MPHOSPH8: variants seen among roughly 807,000 people sequenced by gnomAD.
The protein encoded by MPHOSPH8 is M-phase phosphoprotein, mpp.
MPHOSPH8 carries 45 observed loss-of-function variants against 87.3 expected under a neutral mutation model. The observed-to-expected ratio is 0.52, with a 90% CI of 0.41 to 0.66. The LOEUF (loss-of-function observed/expected upper bound fraction) is 0.66, where lower values mean the gene tolerates loss of function less well. Among genes scored for constraint, MPHOSPH8 ranks in the 30% least tolerant of loss-of-function variants. The pLI, the probability that MPHOSPH8 is intolerant of heterozygous loss-of-function variation, is 0.00. For missense variants in MPHOSPH8, 883 were observed against 1,020.2 expected (o/e 0.87, Z 1.83); for synonymous variants, 366 against 376.9 (o/e 0.97, Z 0.33).
intron 8 of MPHOSPH8, among the ~76,000 whole-genome samples, chr13:19,662,377 A>C (rs887542645): frequency 6.6e-6 from 1 of 152,200 alleles, no homozygotes; most frequent in Non-Finnish European, 1.5e-5. Context: ...CTCTCGCCTC[A>C]GCCTCCCAAG....
chr13:19,671,359 G>GA (rs999867757), intron 13 of MPHOSPH8, 70 bp downstream of exon 13: 572 of 1,422,478 alleles, frequency 4.0e-4, no homozygotes, highest in Non-Finnish European at 5.2e-4. Context: ...ATCAACATTA[G>GA]AAAAAAAATT....
At chr13:19,671,087 A>G (rs1876100465) in intron 12 of MPHOSPH8, 119 bp from the exon 13 acceptor site, 7 of 1,474,960 alleles carry the variant, frequency 4.7e-6, no homozygotes, top group African/African-American at 4.2e-5. Flanking sequence ...CCTCCACAAC[A>G]TCTTGACTTA....
At chr13:19,654,581 TAGAC>T (rs1288724960) in intron 5 of MPHOSPH8, among the ~76,000 whole-genome samples, 1 of 152,134 alleles carries the variant, frequency 6.6e-6, no homozygotes, top group Non-Finnish European at 1.5e-5. Flanking sequence ...GCTCTAAAAA[TAGAC>T]AAAGAATGCT....
intron 5 of MPHOSPH8, among the ~76,000 whole-genome samples, chr13:19,658,769 T>C (rs149825487): frequency 2.0e-5 from 3 of 152,352 alleles, no homozygotes; most frequent in Admixed American, 2.0e-4. Context: ...AGCTTACCTA[T>C]TTATCTTTAT....
At chr13:19,653,342 A>C (rs539630365) in intron 5 of MPHOSPH8, among the ~76,000 whole-genome samples, 1 of 152,318 alleles carries the variant, frequency 6.6e-6, no homozygotes, top group African/African-American at 2.4e-5. Context: ...TGTTAGAAGG[A>C]AAACTAACAA....
At chr13:19,648,216 G>T (rs571571843) in intron 3 of MPHOSPH8, among the ~76,000 whole-genome samples, 2 of 151,642 alleles carry the variant, frequency 1.3e-5, no homozygotes, top group Admixed American at 6.6e-5. Flanking sequence ...TGTTGGGTTT[G>T]GAATTTGATA....
chr13:19,665,219 A>G (rs1186183042), intron 9 of MPHOSPH8, among the ~76,000 whole-genome samples: 1 of 152,190 alleles, frequency 6.6e-6, no homozygotes, highest in African/African-American at 2.4e-5. Flanking sequence ...TTTATCTGCC[A>G]TGAGGTTTAT....
At chr13:19,663,216 C>T (rs1875642226) in intron 9 of MPHOSPH8, 90 bp downstream of exon 9, 1 of 1,159,102 alleles carries the variant, frequency 8.6e-7, no homozygotes, top group African/African-American at 1.5e-5. Context: ...GTGCTGGGGA[C>T]TGAGAACAGA....
At chr13:19,657,648 C>T in intron 5 of MPHOSPH8, among the ~76,000 whole-genome samples, 1 of 152,080 alleles carries the variant, frequency 6.6e-6, no homozygotes, top group East Asian at 1.9e-4. Flanking sequence ...GGGTTTTGAA[C>T]CAGTTTGCTT....
chr13:19,654,594 C>G (rs899431540), intron 5 of MPHOSPH8, among the ~76,000 whole-genome samples: 2 of 152,134 alleles, frequency 1.3e-5, no homozygotes, highest in African/African-American at 4.8e-5. Context: ...ACAAAGAATG[C>G]TAATGCTAAC....
chr13:19,646,623 C>A lies in MPHOSPH8; in HGVS notation c.550C>A (p.Pro184Thr), dbSNP rs1184563688. The change falls in exon 3 of 14, where the codon CCA (proline) becomes ACA (threonine). Residue 184 changes from proline (P) to threonine (T), a missense_variant. Pro to Thr is a conservative substitution (Grantham distance 38). Coordinates refer to ENST00000361479, the MANE Select transcript of MPHOSPH8 (RefSeq NM_017520.4). ...CGGGAAGCTAAAAGACAAGTCCAAA[C>A]CAGACCTGGAGAGCTCCTTGGAAAG... ...KAGKLKDKSK[P>T]DLESSLESLV... 6.3e-7 allele frequency: 1 copy of A among 1,586,580 alleles called. No homozygotes were observed. Among genetic ancestry groups the A allele is most frequent in the South Asian group, 1.2e-5 (1 of 84,612 alleles).
intron 5 of MPHOSPH8, among the ~76,000 whole-genome samples, chr13:19,654,433 G>A (rs1350290698): frequency 1.3e-5 from 2 of 152,118 alleles, no homozygotes; most frequent in Admixed American, 1.3e-4. Flanking sequence ...CTGTGTAACA[G>A]ACCTGCATGC....
rs557159765 is a variant in MPHOSPH8, at chr13:19,670,860, C to A, written c.2458-346C>A. The A allele has an allele frequency of 3.5e-6, 4 of 1,145,058 alleles. No individual in the cohort carries two copies. In the South Asian group the frequency reaches 4.2e-5, roughly 12 times the overall value. 70.9% of individuals were successfully genotyped at this position (1,145,058 alleles called of 1,614,324 possible). A position where few individuals can be genotyped will look rare whatever the true frequency, so the allele number is the denominator to read the frequency against. Reference sequence around the variant, plus strand: ...TGAAGACAGGGTCTCGCTCTGTTGTCCAGGCTGGAGTGCAGTGGCGCGGAT... The same window carrying A: ...TGAAGACAGGGTCTCGCTCTGTTGTACAGGCTGGAGTGCAGTGGCGCGGAT... On this transcript the variant is annotated intron_variant, in intron 12 of 13. Transcript: ENST00000361479.
chr13:19,640,485 T>G lies in MPHOSPH8; in HGVS notation c.214-1630T>G, dbSNP rs549159004. On this transcript the variant is annotated intron_variant, in intron 1 of 13. Transcript: ENST00000361479. ...CTCTTGTATCTGGTGGAGTGTAAATTGGAGCATTTTTTCTGGAAGGCATTT... is the reference window on the plus strand; with the variant it reads ...CTCTTGTATCTGGTGGAGTGTAAATGGGAGCATTTTTTCTGGAAGGCATTT... Among the ~76,000 whole-genome samples, 524 of 152,086 alleles carry G rather than the reference T, an allele frequency of 3.4e-3. 10 individuals carry two copies. The highest frequency in any genetic ancestry group is 9.7e-4 in the Non-Finnish European group (66 of 68,004).
chr13:19,669,215 C>T (rs1372280345), intron 11 of MPHOSPH8, among the ~76,000 whole-genome samples: 2 of 152,176 alleles, frequency 1.3e-5, no homozygotes, highest in Non-Finnish European at 2.9e-5. Flanking sequence ...TGGAGTCTCC[C>T]TGTGTCACCC....
At chr13:19,658,475 G>GT (rs1875326498) in intron 5 of MPHOSPH8, among the ~76,000 whole-genome samples, 2 of 151,878 alleles carry the variant, frequency 1.3e-5, no homozygotes, top group Non-Finnish European at 2.9e-5. Context: ...TACCTCACGG[G>GT]GGTGGGTGTG....
chr13:19,661,774 A>G lies in MPHOSPH8; in HGVS notation c.1868A>G (p.Lys623Arg). The change falls in exon 8 of 14, where the codon AAA becomes AGA. Residue 623 changes from lysine to arginine, a missense_variant. Physicochemically the swap from Lys to Arg is conservative, Grantham distance 26. Transcript: ENST00000361479. The part of the protein sequence containing the change: ...QDDLLRLLIT[K>R]GAKVNGRQKN... ...GACCTCCTGCGACTCCTCATCACAA[A>G]AGGCGCGAAAGTGAACGGTCGGCAG... 6.2e-7 allele frequency: 1 copy of G among 1,613,392 alleles called. No homozygotes were observed. Among genetic ancestry groups the G allele is most frequent in the Non-Finnish European group, 8.5e-7 (1 of 1,179,668 alleles).
At chr13:19,652,959 C>G (rs1210070717) in intron 5 of MPHOSPH8, among the ~76,000 whole-genome samples, 2 of 152,160 alleles carry the variant, frequency 1.3e-5, no homozygotes, top group African/African-American at 4.8e-5. Context: ...ACCCCCATCT[C>G]CCTGGGACAG....
intron 5 of MPHOSPH8, among the ~76,000 whole-genome samples, chr13:19,652,327 G>T (rs899919618): frequency 1.3e-5 from 2 of 152,148 alleles, no homozygotes; most frequent in Admixed American, 1.3e-4. Flanking sequence ...AATGCAGGGG[G>T]TCGGGGAACT....
Sources: gnomAD v4.1 joint callset for allele counts (sites outside exome capture counted in the v4.1 genomes callset) on GRCh38, gnomAD v4.1.1 for gene constraint, MANE v1.5 for transcripts, NCBI Gene and HGNC (gene_info 2026-07-23, HGNC 2026-07-21) for gene names.